Variants in MYO5B observed in about 807,000 individuals in gnomAD.
The protein encoded by MYO5B is unconventional myosin-Vb.
Under a neutral mutation model 229.3 loss-of-function variants are expected in MYO5B, and 143 were observed. The ratio of observed to expected loss-of-function variants is 0.62; its 90% confidence interval spans 0.54 to 0.72. The LOEUF (loss-of-function observed/expected upper bound fraction) is 0.72, where lower values mean the gene tolerates loss of function less well. Among genes scored for constraint, MYO5B ranks in the 30% least tolerant of loss-of-function variants. MYO5B has a pLI of 0.00. For synonymous variants in MYO5B, 918 were observed against 885.2 expected, an observed-to-expected ratio of 1.04 and a Z score of -0.66; for missense variants, 2,321 against 2,331.0, an observed-to-expected ratio of 1.00 and a Z score of 0.09.
At position 49,877,726 on chromosome 18, in the gene MYO5B, TGGA is replaced by T. The variant is rs58508938; in HGVS notation, c.3396+34_3396+36del. The stretch of plus-strand genomic sequence containing the variant: ...CACAGAAAAAAACACACACTCCCTC[TGGA>T]GGAGGACAGTACCCAAGAGCCTGCA... On this transcript the variant is annotated intron_variant, in intron 25 of 39. Coordinates refer to ENST00000285039, the MANE Select transcript of MYO5B (RefSeq NM_001080467.3). 1.5e-3 allele frequency: 2,396 copies of T among 1,613,066 alleles called. 22 individuals carry two copies. The African/African-American group carries it at 0.02, about 14-fold the overall frequency.
chr18:49,835,978 G>A (rs1025626394), intron 38 of MYO5B, among the ~76,000 whole-genome samples: 23 of 152,190 alleles, frequency 1.5e-4, no homozygotes, highest in African/African-American at 5.5e-4. Context: ...TTAAAGAGAA[G>A]AAAAATGTTT....
chr18:50,194,595 T>A (rs2033274122), intron 1 of MYO5B, among the ~76,000 whole-genome samples, 172 bp downstream of exon 1: 1 of 152,046 alleles, frequency 6.6e-6, no homozygotes, highest in African/African-American at 2.4e-5. Flanking sequence ...CCAAACTTTC[T>A]CCGCCAACCG....
chr18:50,018,941 C>T (rs1440491483), intron 4 of MYO5B, among the ~76,000 whole-genome samples: 1 of 152,210 alleles, frequency 6.6e-6, no homozygotes, highest in Non-Finnish European at 1.5e-5. Context: ...TAGCACTTTT[C>T]TCTTACCAGC....
rs2032895535 is a variant in MYO5B, at chr18:50,169,337, G to T, written c.27+25430C>A. On this transcript the variant is annotated intron_variant, in intron 1 of 39. Coordinates refer to ENST00000285039, the MANE Select transcript of MYO5B (RefSeq NM_001080467.3). ...AGCTACATAGGAAATGCAGGGGAGG[G>T]TAATGAGTCAGCATTTAATCAAGTC... Among the ~76,000 whole-genome samples the T allele has an allele frequency of 1.6e-5, 2 of 126,676 alleles. 1 individual carries two copies. Among genetic ancestry groups the T allele is most frequent in the African/African-American group, 6.0e-5 (2 of 33,390 alleles). 83.1% of individuals were successfully genotyped at this position (126,676 alleles called of 152,430 possible).
intron 4 of MYO5B, among the ~76,000 whole-genome samples, chr18:50,004,258 C>T (rs891093990): frequency 2.2e-4 from 34 of 152,158 alleles, no homozygotes; most frequent in African/African-American, 8.2e-4. Flanking sequence ...GGCAACGGAA[C>T]AGTAAAACTG....
At chr18:50,111,379 G>A (rs766497626) in intron 1 of MYO5B, among the ~76,000 whole-genome samples, 1 of 152,220 alleles carries the variant, frequency 6.6e-6, no homozygotes, top group Non-Finnish European at 1.5e-5. Flanking sequence ...TATTTTGTTA[G>A]ACAGTCACAG....
chr18:49,901,898 G>A (rs907338536), intron 21 of MYO5B, among the ~76,000 whole-genome samples: 2 of 152,140 alleles, frequency 1.3e-5, no homozygotes, highest in African/African-American at 4.8e-5. Context: ...CCGTAGGAGG[G>A]CCGCTATATT....
In MYO5B at chr18:49,904,705, G is replaced by A. The variant is rs1480679297; in HGVS notation, c.2538C>T (p.Thr846=). 6.2e-7 allele frequency: 1 copy of A among 1,614,068 alleles called. No individual in the cohort carries two copies. Among genetic ancestry groups the A allele is most frequent in the Non-Finnish European group, 8.5e-7 (1 of 1,180,042 alleles). The change falls in exon 20 of 40, where the codon ACC becomes ACT. Residue 846 remains threonine, a synonymous_variant. Coordinates refer to ENST00000285039, the MANE Select transcript of MYO5B (RefSeq NM_001080467.3). The stretch of plus-strand genomic sequence containing the variant: ...AGGTTCTCCGCACAAACATGGCCCG[G>A]GTGAAGGCCTGGATAACAACGGCAG... ...RRAAVVIQAF[T]RAMFVRRTYR...
At chr18:49,988,931 A>G (rs1429374126) in intron 7 of MYO5B, among the ~76,000 whole-genome samples, 1 of 152,214 alleles carries the variant, frequency 6.6e-6, no homozygotes, top group East Asian at 1.9e-4. Context: ...AGCACTGACC[A>G]GCTGGAGAAC....
At chr18:49,929,055 T>C (rs926248979) in intron 17 of MYO5B, among the ~76,000 whole-genome samples, 3 of 152,040 alleles carry the variant, frequency 2.0e-5, no homozygotes, top group Non-Finnish European at 4.4e-5. Context: ...ATCTCAGAAA[T>C]CACCACTGAA....
At chr18:49,986,107 C>T (rs1441740109) in intron 7 of MYO5B, among the ~76,000 whole-genome samples, 2 of 152,180 alleles carry the variant, frequency 1.3e-5, no homozygotes, top group South Asian at 4.1e-4. Flanking sequence ...TAGAACAGCC[C>T]CTGGCCCTTT....
chr18:50,183,321 A>ATATATATATATC, intron 1 of MYO5B, among the ~76,000 whole-genome samples: 1 of 140,492 alleles, frequency 7.1e-6, no homozygotes, highest in African/African-American at 2.7e-5. Flanking sequence ...ATATATATAT[A>ATATATATATATC]TATATATATA....
At chr18:50,104,316 A>T (rs746897838) in intron 1 of MYO5B, among the ~76,000 whole-genome samples, 4 of 149,158 alleles carry the variant, frequency 2.7e-5, no homozygotes, top group Non-Finnish European at 4.4e-5. Flanking sequence ...AAAAATTTAA[A>T]AAGGAACATC....
chr18:50,173,169 G>A (rs537858830), intron 1 of MYO5B, among the ~76,000 whole-genome samples: 3 of 152,198 alleles, frequency 2.0e-5, no homozygotes, highest in African/African-American at 7.2e-5. Flanking sequence ...GGAGGCTGAT[G>A]TAGGAGAATC....
At position 49,974,460 on chromosome 18, in the gene MYO5B, C is replaced by A. The variant is rs895818747; in HGVS notation, c.1212G>T (p.Leu404=). The A allele has an allele frequency of 6.2e-7, 1 of 1,614,168 alleles. No homozygotes were observed. The highest frequency in any genetic ancestry group is 8.5e-7 in the Non-Finnish European group (1 of 1,180,030). Residue 404 remains leucine, a synonymous_variant, in exon 10 of 40, where the codon CTG becomes CTT. Transcript: ENST00000285039. ...LQQVINARNA[L]AKHIYAQLFG... is the part of the protein sequence containing the mutation. ...ACAACTGGGCATAGATGTGCTTCGCCAGGGCGTTGCGCGCATTGATCACCT... is the reference window on the plus strand; with the variant it reads ...ACAACTGGGCATAGATGTGCTTCGCAAGGGCGTTGCGCGCATTGATCACCT...
intron 31 of MYO5B, 59 bp from the exon 32 acceptor site, chr18:49,849,719 T>TA: frequency 7.2e-7 from 1 of 1,387,552 alleles, no homozygotes; most frequent in Non-Finnish European, 1.0e-6. Flanking sequence ...ATGGTGGGGG[T>TA]AAAATCCTGC....
intron 18 of MYO5B, among the ~76,000 whole-genome samples, chr18:49,908,829 T>C (rs896352181): frequency 4.9e-4 from 75 of 152,300 alleles, no homozygotes; most frequent in African/African-American, 1.7e-3. Flanking sequence ...AAGAATTCAG[T>C]ATGTATCTGT....
intron 7 of MYO5B, among the ~76,000 whole-genome samples, chr18:49,987,938 G>A (rs2025888872): frequency 6.6e-6 from 1 of 152,020 alleles, no homozygotes; most frequent in Non-Finnish European, 1.5e-5. Context: ...GGCCTGTATG[G>A]TTTTTACCAT....
At chr18:49,940,659 A>G (rs1019931910) in intron 14 of MYO5B, among the ~76,000 whole-genome samples, 4 of 152,306 alleles carry the variant, frequency 2.6e-5, no homozygotes, top group African/African-American at 9.6e-5. Flanking sequence ...TTTTTCACAT[A>G]TTAAAGTAAC....
Sources: allele counts gnomAD v4.1 joint callset (sites outside exome capture counted in the v4.1 genomes callset), GRCh38; gene constraint gnomAD v4.1.1; transcripts MANE v1.5; gene names NCBI Gene and HGNC (gene_info 2026-07-23, HGNC 2026-07-21).